The following SPAG6 variants were observed in gnomAD, a reference collection of about 807,000 sequenced individuals.
SPAG6 encodes sperm associated antigen 6.
SPAG6 carries 49 observed loss-of-function variants against 58.5 expected under a neutral mutation model. That is an observed-to-expected ratio of 0.84 (90% confidence interval 0.67 to 1.06). SPAG6 has a LOEUF of 1.06. Ranked by LOEUF, SPAG6 falls within the 50% of genes least tolerant of loss-of-function variation. The probability of loss-of-function intolerance (pLI) is 0.00; values close to 1 mark genes in which losing one functional copy is unlikely to be tolerated. For missense variants in SPAG6, 560 were observed against 611.3 expected (o/e 0.92, Z 0.89); for synonymous variants, 233 against 225.6 (o/e 1.03, Z -0.29).
chr10:22,345,710 C>G lies in SPAG6; in HGVS notation c.26-13C>G. 1 of 1,607,900 alleles carries G rather than the reference C, an allele frequency of 6.2e-7. No individual in the cohort carries two copies. Among genetic ancestry groups the G allele is most frequent in the Non-Finnish European group, 8.5e-7 (1 of 1,177,442 alleles). ...CCGGGTGCGGTGGGCTCCACCGACT[C>G]TCTCTCCCGCAGTGTTCGAGCAATA... is the stretch of plus-strand genomic sequence containing the variant. On this transcript the variant is annotated splice_polypyrimidine_tract_variant and intron_variant, in intron 1 of 10. Coordinates refer to ENST00000376624, the MANE Select transcript of SPAG6 (RefSeq NM_012443.4). The surrounding 1 kb of genome is among the most constrained non-coding windows in gnomAD (Gnocchi z 6.3).
chr10:22,386,246 A>T (rs944254216), intron 4 of SPAG6, among the ~76,000 whole-genome samples: 3 of 152,174 alleles, frequency 2.0e-5, no homozygotes, highest in South Asian at 2.1e-4. Context: ...TGAAATTTTT[A>T]AAAAATCTTT....
chr10:22,362,153 A>G (rs1005988639), intron 2 of SPAG6, among the ~76,000 whole-genome samples: 2 of 145,610 alleles, frequency 1.4e-5, no homozygotes, highest in African/African-American at 5.0e-5. Flanking sequence ...ATGTATATAT[A>G]TTTATTTTAT....
intron 5 of SPAG6, 24 bp downstream of exon 5, chr10:22,386,983 A>G (rs754255675): frequency 6.4e-7 from 1 of 1,557,836 alleles, no homozygotes; most frequent in Non-Finnish European, 8.8e-7. Flanking sequence ...AGGTTGAAAA[A>G]TACATCAGCC....
intron 4 of SPAG6, among the ~76,000 whole-genome samples, chr10:22,379,579 A>G (rs1216259398): frequency 2.0e-5 from 3 of 152,188 alleles, no homozygotes; most frequent in African/African-American, 4.8e-5. Flanking sequence ...GTGCCTGGAC[A>G]CATATCCTCA....
intron 4 of SPAG6, among the ~76,000 whole-genome samples, chr10:22,381,115 A>G (rs1026794215): frequency 1.3e-5 from 2 of 152,172 alleles, no homozygotes; most frequent in Non-Finnish European, 2.9e-5. Context: ...TTACGTAACC[A>G]CAATAGTGGT....
At chr10:22,400,900 A>C (rs1834395719) in intron 8 of SPAG6, among the ~76,000 whole-genome samples, 1 of 152,136 alleles carries the variant, frequency 6.6e-6, no homozygotes, top group Non-Finnish European at 1.5e-5. Flanking sequence ...TTATAATTTT[A>C]ATTTTCTTCT....
intron 4 of SPAG6, among the ~76,000 whole-genome samples, chr10:22,380,814 A>C (rs1461874210): frequency 6.6e-6 from 1 of 152,152 alleles, no homozygotes; most frequent in African/African-American, 2.4e-5. Flanking sequence ...AGTTAAAAGC[A>C]GTGTTTGAAA....
intron 4 of SPAG6, among the ~76,000 whole-genome samples, chr10:22,383,325 T>C (rs1833999232): frequency 6.6e-6 from 1 of 152,184 alleles, no homozygotes; most frequent in Non-Finnish European, 1.5e-5. Flanking sequence ...TTTTGGTTGC[T>C]GCTGGTTTTT....
At chr10:22,393,203 G>A (rs920184950) in intron 8 of SPAG6, among the ~76,000 whole-genome samples, 8 of 152,002 alleles carry the variant, frequency 5.3e-5, no homozygotes, top group African/African-American at 1.9e-4. Context: ...TTTTGGCTTC[G>A]TATTTCTTTA....
rs1834552509 is a variant in SPAG6 at position 22,406,293 on chromosome 10, C to CT, written c.1315-4737dup. ...GGCATTTAGTGCTATAAATTTCCCTCTACACACTGCTTTGAATGCGTCCCA... is the reference window on the plus strand; with the variant it reads ...GGCATTTAGTGCTATAAATTTCCCTCTTACACACTGCTTTGAATGCGTCCCA... On this transcript the variant is annotated intron_variant, in intron 9 of 10. Transcript: ENST00000376624. Among the ~76,000 whole-genome samples, 8 of 152,144 alleles carry CT rather than the reference C, an allele frequency of 5.3e-5. No individual in the cohort carries two copies. In the South Asian group the frequency reaches 1.7e-3, roughly 32 times the overall value.
At position 22,412,227 on chromosome 10, in the gene SPAG6, C is replaced by T. The variant is rs955098912; in HGVS notation, c.1460+1051C>T. ...TATTTATCTGTATTTTCTAATCCTA[C>T]ATTTATTTCTTATTTTCTTTGATTA... is the stretch of plus-strand genomic sequence containing the variant. On this transcript the variant is annotated intron_variant, in intron 10 of 10. Transcript: ENST00000376624. 5.3e-5 allele frequency among the ~76,000 whole-genome samples: 8 copies of T among 152,290 alleles called. No homozygotes were observed. The East Asian group carries it at 1.5e-3, about 29-fold the overall frequency.
chr10:22,392,288 C>T (rs112602928), intron 8 of SPAG6, among the ~76,000 whole-genome samples: 1 of 152,082 alleles, frequency 6.6e-6, no homozygotes, highest in East Asian at 1.9e-4. Context: ...TTTAAGGTAC[C>T]TTTCAAATGT....
At chr10:22,351,117 A>T (rs1462383964) in intron 2 of SPAG6, among the ~76,000 whole-genome samples, 1 of 152,208 alleles carries the variant, frequency 6.6e-6, no homozygotes, top group Non-Finnish European at 1.5e-5. Context: ...TTGAGTACCA[A>T]TGGCTGTCCA....
intron 2 of SPAG6, chr10:22,346,108 G>T: frequency 3.4e-6 from 5 of 1,468,502 alleles, no homozygotes; most frequent in Non-Finnish European, 4.5e-6. Flanking sequence ...ACGTGAATGG[G>T]ACTCTACCCT....
rs187003920 is a variant in SPAG6 at position 22,353,679 on chromosome 10, C to T, written c.121+7861C>T. ...CAAGTATCAGATGGATGTTTAGATGCGGACCATGCAAAAATCGGAGGCATA... is the reference window on the plus strand; with the variant it reads ...CAAGTATCAGATGGATGTTTAGATGTGGACCATGCAAAAATCGGAGGCATA... On this transcript the variant is annotated intron_variant, in intron 2 of 10. Transcript: ENST00000376624. 1.8e-4 allele frequency among the ~76,000 whole-genome samples: 27 copies of T among 152,284 alleles called. 1 individual carries two copies. Among genetic ancestry groups the T allele is most frequent in the Admixed American group, 1.3e-3 (20 of 15,298 alleles).
At chr10:22,393,722 T>C (rs936570883) in intron 8 of SPAG6, among the ~76,000 whole-genome samples, 3 of 152,200 alleles carry the variant, frequency 2.0e-5, no homozygotes, top group African/African-American at 7.2e-5. Context: ...TATTTTATTA[T>C]TGTAGGGATT....
chr10:22,359,216 G>C (rs1260752611), intron 2 of SPAG6, among the ~76,000 whole-genome samples: 1 of 152,060 alleles, frequency 6.6e-6, no homozygotes, highest in Non-Finnish European at 1.5e-5. Context: ...CTGTGTAATT[G>C]GTTAATTTTG....
intron 10 of SPAG6, among the ~76,000 whole-genome samples, chr10:22,416,243 TCTAA>T (rs1347572279): frequency 6.6e-6 from 1 of 152,018 alleles, no homozygotes; most frequent in African/African-American, 2.4e-5. Context: ...GACTGTGTAG[TCTAA>T]CTTATGAAAA....
At chr10:22,369,511 T>G (rs1833635989) in intron 4 of SPAG6, among the ~76,000 whole-genome samples, 1 of 152,148 alleles carries the variant, frequency 6.6e-6, no homozygotes, top group Non-Finnish European at 1.5e-5. Context: ...TGGGGGGTGG[T>G]GGCAGAAGAG....
Sources: gnomAD v4.1 joint callset for allele counts (sites outside exome capture counted in the v4.1 genomes callset) on GRCh38, gnomAD v4.1.1 for gene constraint, Gnocchi (gnomAD v3.1) non-coding constraint, MANE v1.5 for transcripts, NCBI Gene and HGNC (gene_info 2026-07-23, HGNC 2026-07-21) for gene names.